The following DOCK3 variants were observed in gnomAD, a reference collection of about 807,000 sequenced individuals.
The protein encoded by DOCK3 is dedicator of cytokinesis 3, also known as dedicator of cytokinesis protein 3.
In DOCK3, 60 loss-of-function variants were observed where a neutral mutation model predicts 265.6. The ratio of observed to expected loss-of-function variants is 0.23; its 90% CI spans 0.18 to 0.28. DOCK3 has a LOEUF of 0.28. Among genes scored for constraint, DOCK3 ranks in the 10% least tolerant of loss-of-function variants. The probability of loss-of-function intolerance (pLI) is 1.00; values close to 1 mark genes in which losing one functional copy is unlikely to be tolerated. For missense variants in DOCK3, 1,981 were observed against 2,594.3 expected, an observed-to-expected ratio of 0.76 and a Z score of 5.14; for synonymous variants, 881 against 938.0, an observed-to-expected ratio of 0.94 and a Z score of 1.11.
At chr3:51,347,782 T>C (rs2085691072) in intron 38 of DOCK3, among the ~76,000 whole-genome samples, 1 of 152,238 alleles carries the variant, frequency 6.6e-6, no homozygotes, top group Non-Finnish European at 1.5e-5. Context: ...CATGGAATGT[T>C]CTTCCATTTG....
rs146128985 is a variant in DOCK3 at position 50,826,727 on chromosome 3, G to A, written c.122-14948G>A. Reference sequence around the variant, plus strand: ...GATACTGTAGAAAAAGAAACAGTCAGATACCACAAAAGAGCTCTTGGAAAT... The same window carrying A: ...GATACTGTAGAAAAAGAAACAGTCAAATACCACAAAAGAGCTCTTGGAAAT... On this transcript the variant is annotated intron_variant, in intron 2 of 52. Transcript: ENST00000266037. Among the ~76,000 whole-genome samples, 30 of 152,224 alleles carry A rather than the reference G, an allele frequency of 2.0e-4. No individual in the cohort carries two copies. In the East Asian group the frequency reaches 5.6e-3, roughly 28 times the overall value.
intron 2 of DOCK3, among the ~76,000 whole-genome samples, chr3:50,810,525 A>AG: frequency 6.6e-6 from 1 of 152,316 alleles, no homozygotes; most frequent in South Asian, 2.1e-4. Flanking sequence ...CCTGGGCAAC[A>AG]GAGCGACACT....
At chr3:51,061,567 T>C (rs1186555728) in intron 5 of DOCK3, among the ~76,000 whole-genome samples, 1 of 147,396 alleles carries the variant, frequency 6.8e-6, no homozygotes, top group Non-Finnish European at 1.5e-5. Context: ...TGATGTGGGG[T>C]GGGGAGAGGG....
intron 4 of DOCK3, among the ~76,000 whole-genome samples, chr3:50,905,978 G>A (rs1487678153): frequency 2.0e-5 from 3 of 152,056 alleles, no homozygotes; most frequent in Admixed American, 6.5e-5. Context: ...ATGAAGGGCT[G>A]TTGAATTTTG....
intron 40 of DOCK3, among the ~76,000 whole-genome samples, chr3:51,351,651 CTTTTTTT>C (rs150338641): frequency 1.0e-5 from 1 of 95,740 alleles, no homozygotes; most frequent in East Asian, 3.2e-4. Flanking sequence ...AGTAGAGAGA[CTTTTTTT>C]TTTTTTTTTT....
intron 1 of DOCK3, among the ~76,000 whole-genome samples, chr3:50,776,272 A>G (rs1230829063): frequency 6.6e-6 from 1 of 152,122 alleles, no homozygotes; most frequent in Admixed American, 6.6e-5. Context: ...TTTTTAAATT[A>G]TGACCATTCT....
chr3:51,295,192 A>G (rs1362005601), intron 27 of DOCK3, among the ~76,000 whole-genome samples: 5 of 152,244 alleles, frequency 3.3e-5, no homozygotes, highest in African/African-American at 9.6e-5. Context: ...TTGGCTTACA[A>G]TTCTAATGTC....
At chr3:51,273,421 G>T (rs2080625290) in intron 24 of DOCK3, among the ~76,000 whole-genome samples, 1 of 152,140 alleles carries the variant, frequency 6.6e-6, no homozygotes, top group South Asian at 2.1e-4. Flanking sequence ...GAAGCAAAAG[G>T]TTCTTTACCA....
intron 5 of DOCK3, among the ~76,000 whole-genome samples, chr3:50,946,465 G>A (rs769722757): frequency 3.9e-4 from 59 of 152,170 alleles, no homozygotes; most frequent in Admixed American, 2.1e-3. Flanking sequence ...AACTTTTAGT[G>A]TATTTCATCT....
At chr3:50,836,559 G>T (rs1437488562) in intron 2 of DOCK3, among the ~76,000 whole-genome samples, 1 of 152,156 alleles carries the variant, frequency 6.6e-6, no homozygotes, top group Non-Finnish European at 1.5e-5. Context: ...GCTGCACACA[G>T]CAGTGGGGCC....
intron 12 of DOCK3, among the ~76,000 whole-genome samples, chr3:51,184,522 A>G (rs1328668807): frequency 7.0e-6 from 1 of 143,182 alleles, no homozygotes; most frequent in Non-Finnish European, 1.5e-5. Flanking sequence ...AGAACTTCCA[A>G]TGGCCAAAAT....
chr3:51,309,379 G>A (rs1420884779), intron 27 of DOCK3, among the ~76,000 whole-genome samples: 8 of 152,330 alleles, frequency 5.3e-5, no homozygotes, highest in Non-Finnish European at 1.2e-4. Flanking sequence ...GTTAGGAGCT[G>A]GAGACCAGCC....
At position 51,348,944 on chromosome 3, in the gene DOCK3, C is replaced by T. The variant is rs1445084299; in HGVS notation, c.4002+6C>T. On this transcript the variant is annotated splice_donor_region_variant and intron_variant, in intron 39 of 52. Coordinates refer to ENST00000266037, the MANE Select transcript of DOCK3 (RefSeq NM_004947.5). ...AGAGCCTCAGCTGGATTCGGGTGAG[C>T]TGTGCCCCTCCCCCCACCCCAGCCC... The T allele has an allele frequency of 1.3e-6, 2 of 1,560,790 alleles. No individual in the cohort carries two copies. Among genetic ancestry groups the T allele is most frequent in the South Asian group, 1.2e-5 (1 of 84,608 alleles).
intron 12 of DOCK3, among the ~76,000 whole-genome samples, chr3:51,178,949 G>C (rs1166406134): frequency 1.3e-5 from 2 of 152,162 alleles, no homozygotes; most frequent in South Asian, 4.1e-4. Flanking sequence ...GGCACAGAGT[G>C]GGGAGGAACG....
At chr3:51,325,686 G>A (rs1043339348) in intron 32 of DOCK3, among the ~76,000 whole-genome samples, 2 of 152,162 alleles carry the variant, frequency 1.3e-5, no homozygotes, top group Admixed American at 6.5e-5. Context: ...TGATAGGCTG[G>A]ATAAAGAAAA....
intron 5 of DOCK3, among the ~76,000 whole-genome samples, chr3:50,975,457 A>G (rs1460924630): frequency 1.3e-5 from 2 of 150,650 alleles, no homozygotes; most frequent in Non-Finnish European, 3.0e-5. Context: ...TGATTTGGGT[A>G]TATTGAACCA....
chr3:51,248,722 G>C (rs1207169823), intron 22 of DOCK3, among the ~76,000 whole-genome samples: 9 of 151,648 alleles, frequency 5.9e-5, no homozygotes, highest in African/African-American at 2.4e-5. Flanking sequence ...GTCTCCGCCC[G>C]GCCGCCATCC....
intron 5 of DOCK3, among the ~76,000 whole-genome samples, chr3:51,039,920 CATCTT>C (rs2080416833): frequency 7.8e-6 from 1 of 128,922 alleles, no homozygotes; most frequent in African/African-American, 2.9e-5. Flanking sequence ...TATAAGACCT[CATCTT>C]ATTTGTTTTC....
intron 27 of DOCK3, among the ~76,000 whole-genome samples, chr3:51,306,359 T>G (rs952125811): frequency 6.6e-6 from 1 of 152,252 alleles, no homozygotes; most frequent in Admixed American, 6.5e-5. Context: ...ATTTTTGGCT[T>G]TTGACACTTT....
Sources: allele counts gnomAD v4.1 joint callset (sites outside exome capture counted in the v4.1 genomes callset), GRCh38; gene constraint gnomAD v4.1.1; transcripts MANE v1.5; gene names NCBI Gene and HGNC (gene_info 2026-07-23, HGNC 2026-07-21).